Variants in ARSI observed in about 807,000 individuals in gnomAD.
The protein encoded by ARSI is arylsulfatase family member I.
A neutral mutation model predicts 42.1 loss-of-function variants in ARSI; 37 were observed. The ratio of observed to expected loss-of-function variants is 0.88; its 90% CI spans 0.68 to 1.16. ARSI has a LOEUF of 1.16. Among genes scored for constraint, ARSI ranks in the 50% most tolerant of loss-of-function variants. The probability of loss-of-function intolerance (pLI) is 0.00; values close to 1 mark genes in which losing one functional copy is unlikely to be tolerated. For missense variants in ARSI, 725 were observed against 790.1 expected (o/e 0.92, Z 0.99); for synonymous variants, 305 against 320.3 (o/e 0.95, Z 0.51).
rs760446128 is a variant in ARSI at position 150,297,689 on chromosome 5, T to C, written c.1235A>G (p.Asn412Ser). The change falls in exon 2 of 2, where the codon AAC (asparagine) becomes AGC (serine). Residue 412 changes from asparagine to serine, a missense_variant. Coordinates refer to ENST00000328668, the MANE Select transcript of ARSI (RefSeq NM_001012301.4). The surrounding 1 kb of genome is among the most constrained non-coding windows in gnomAD (Gnocchi z 7.0). ...GSLEGGFGIW[N>S]TAVQAAIRVG... is the part of the protein sequence containing the mutation. ...GCGGATGGCAGCCTGCACGGCGGTG[T>C]TCCAGATGCCAAAGCCGCCCTCCAG... 6.2e-7 allele frequency: 1 copy of C among 1,613,386 alleles called. No homozygotes were observed. The highest frequency in any genetic ancestry group is 8.5e-7 in the Non-Finnish European group (1 of 1,180,020).
Position 150,298,382 on chromosome 5 carries a change from T to A in ARSI, c.542A>T (p.Asp181Val). ...GCACACGCCTGGGCCATCACAGTTGTCATAGGTGTAATAGTCCACATTGCC... is the reference window on the plus strand; with the variant it reads ...GCACACGCCTGGGCCATCACAGTTGACATAGGTGTAATAGTCCACATTGCC... ...LTGNVDYYTY[D>V]NCDGPGVCGF... Residue 181 changes from aspartate to valine, a missense_variant, in exon 2 of 2, where the codon GAC becomes GTC. Transcript: ENST00000328668. 1 of 1,614,184 alleles carries A rather than the reference T, an allele frequency of 6.2e-7. No homozygotes were observed. The highest frequency in any genetic ancestry group is 8.5e-7 in the Non-Finnish European group (1 of 1,180,044).
chr5:150,298,782 A>G (rs1757870300), intron 1 of ARSI, among the ~76,000 whole-genome samples, 170 bp from the exon 2 acceptor site: 1 of 152,188 alleles, frequency 6.6e-6, no homozygotes, highest in South Asian at 2.1e-4. Context: ...CCTCAAATGC[A>G]TTATCTCATC....
chr5:150,297,700 A>G lies in ARSI; in HGVS notation c.1224T>C (p.Phe408=). 2 of 1,613,422 alleles carry G rather than the reference A, an allele frequency of 1.2e-6. No individual in the cohort carries two copies. Among genetic ancestry groups the G allele is most frequent in the East Asian group, 2.2e-5 (1 of 44,872 alleles). The change falls in exon 2 of 2, where the codon TTT becomes TTC. Residue 408 remains phenylalanine, a synonymous_variant. Coordinates refer to ENST00000328668, the MANE Select transcript of ARSI (RefSeq NM_001012301.4). This position sits in a 1 kb window ranked among gnomAD's most constrained non-coding sequence, Gnocchi z 7.0. ...HAQHGSLEGG[F]GIWNTAVQAA... is the part of the protein sequence containing the mutation. ...CCTGCACGGCGGTGTTCCAGATGCC[A>G]AAGCCGCCCTCCAGGGAGCCATGCT... is the stretch of plus-strand genomic sequence containing the variant.
chr5:150,300,743 T>A (rs1305424805), intron 1 of ARSI, among the ~76,000 whole-genome samples: 1 of 152,226 alleles, frequency 6.6e-6, no homozygotes, highest in African/African-American at 2.4e-5. Flanking sequence ...ATCAGGGGAC[T>A]GGAGCACTGC....
At chr5:150,299,595 G>A (rs1051185376) in intron 1 of ARSI, among the ~76,000 whole-genome samples, 13 of 151,912 alleles carry the variant, frequency 8.6e-5, no homozygotes, top group African/African-American at 2.7e-4. Flanking sequence ...TCTTTTTAAG[G>A]GAAGGGGAAG....
Position 150,300,874 on chromosome 5 carries a change from T to C in ARSI, c.311+1189A>G, listed in dbSNP as rs536196273. Among the ~76,000 whole-genome samples the C allele has an allele frequency of 2.6e-5, 4 of 152,314 alleles. No individual in the cohort carries two copies. The East Asian group carries it at 7.7e-4, about 29-fold the overall frequency. ...TCCACCCTCTTCTGCAGGTCAACATTGGTCTTCACCACTACACCACTAACC... is the reference window on the plus strand; with the variant it reads ...TCCACCCTCTTCTGCAGGTCAACATCGGTCTTCACCACTACACCACTAACC... On this transcript the variant is annotated intron_variant, in intron 1 of 1. Transcript: ENST00000328668.
chr5:150,298,219 G>T lies in ARSI; in HGVS notation c.705C>A (p.Phe235Leu), dbSNP rs146812943. Reference sequence around the variant, plus strand: ...ACTGCAGGGGTGTGTGTACTGCCTGGAAGGCCACATAGAGGAAGAGGGGAC... The same window carrying T: ...ACTGCAGGGGTGTGTGTACTGCCTGTAAGGCCACATAGAGGAAGAGGGGAC... ...PQRPLFLYVAFQAVHTPLQSP... is the reference protein window; with the variant it reads ...PQRPLFLYVALQAVHTPLQSP... The change falls in exon 2 of 2, where the codon TTC (phenylalanine) becomes TTA (leucine). Residue 235 changes from phenylalanine to leucine, a missense_variant. Transcript: ENST00000328668. 4 of 1,614,054 alleles carry T rather than the reference G, an allele frequency of 2.5e-6. No homozygotes were observed. The African/African-American group carries it at 5.3e-5, about 22-fold the overall frequency.
In ARSI at chr5:150,297,072, C is replaced by A; in HGVS notation, c.*142G>T. On this transcript the variant is annotated 3_prime_UTR_variant, in exon 2 of 2. Transcript: ENST00000328668. The surrounding 1 kb of genome is among the most constrained non-coding windows in gnomAD (Gnocchi z 7.0). ...TTATTCCCACCCACTCCTATCCAGGCTCCCTACCCTGTTCAACCAAGGGAC... is the reference window on the plus strand; with the variant it reads ...TTATTCCCACCCACTCCTATCCAGGATCCCTACCCTGTTCAACCAAGGGAC... 1.2e-6 allele frequency: 1 copy of A among 868,806 alleles called. No individual in the cohort carries two copies. Among genetic ancestry groups the A allele is most frequent in the Non-Finnish European group, 1.7e-6 (1 of 579,344 alleles). 53.8% of individuals were successfully genotyped at this position (868,806 alleles called of 1,614,324 possible).
At position 150,297,395 on chromosome 5, in the gene ARSI, C is replaced by CG; in HGVS notation, c.1528dup (p.Arg510ProfsTer5). 6.2e-7 allele frequency: 1 copy of CG among 1,609,008 alleles called. No homozygotes were observed. Among genetic ancestry groups the CG allele is most frequent in the South Asian group, 1.1e-5 (1 of 90,270 alleles). On this transcript the variant is annotated frameshift_variant, in exon 2 of 2. Transcript: ENST00000328668. LOFTEE classifies it high-confidence loss of function. The surrounding 1 kb of genome is among the most constrained non-coding windows in gnomAD (Gnocchi z 7.0). ...ACCCCCATTAAAGTCAGGATGAGCC[C>CG]GGGGGTTCTCAGCTGGGTAGCGTAC...
At position 150,297,611 on chromosome 5, in the gene ARSI, G is replaced by A; in HGVS notation, c.1313C>T (p.Pro438Leu). The change falls in exon 2 of 2, where the codon CCA (proline) becomes CTA (leucine). Residue 438 changes from proline to leucine, a missense_variant. Physicochemically the swap from Pro to Leu is moderately conservative, Grantham distance 98 (BLOSUM62 -3). Transcript: ENST00000328668. This position sits in a 1 kb window ranked among gnomAD's most constrained non-coding sequence, Gnocchi z 7.0. ...CGGGAAGGTGGCCAGTGTCTGCGGT[G>A]GGATCCAATCGCCATAGCCGGGGTC... ...TGDPGYGDWI[P>L]PQTLATFPGS... The A allele has an allele frequency of 6.2e-7, 1 of 1,611,198 alleles. No homozygotes were observed. Among genetic ancestry groups the A allele is most frequent in the African/African-American group, 1.3e-5 (1 of 75,046 alleles).
chr5:150,299,110 C>T (rs915206927), intron 1 of ARSI, among the ~76,000 whole-genome samples: 3 of 152,186 alleles, frequency 2.0e-5, no homozygotes, highest in Non-Finnish European at 2.9e-5. Flanking sequence ...GTGACTCACA[C>T]GGCTAGTAGT....
In ARSI at chr5:150,297,554, CT is replaced by C. The variant is rs1229770707; in HGVS notation, c.1369del (p.Ser457ValfsTer108). The part of the protein sequence containing the change: ...GSWWNLERMA[S>X]VRQAVWLFNI... ...GAAGAGCCACACGGCCTGGCGGACA[CT>C]GGCCATTCGTTCCAGGTTCCACCAG... On this transcript the variant is annotated frameshift_variant, in exon 2 of 2. Coordinates refer to ENST00000328668, the MANE Select transcript of ARSI (RefSeq NM_001012301.4). LOFTEE classifies it high-confidence loss of function. This position sits in a 1 kb window ranked among gnomAD's most constrained non-coding sequence, Gnocchi z 7.0. The C allele has an allele frequency of 6.2e-7, 1 of 1,612,326 alleles. No homozygotes were observed. Among genetic ancestry groups the C allele is most frequent in the Non-Finnish European group, 8.5e-7 (1 of 1,179,624 alleles).
chr5:150,299,831 A>G (rs1757890470), intron 1 of ARSI, among the ~76,000 whole-genome samples: 1 of 152,154 alleles, frequency 6.6e-6, no homozygotes, highest in African/African-American at 2.4e-5. Context: ...CCTGCCTGTG[A>G]GCTCATATGA....
At position 150,298,626 on chromosome 5, in the gene ARSI, G is replaced by A; in HGVS notation, c.312-14C>T. 5 of 1,589,878 alleles carry A rather than the reference G, an allele frequency of 3.1e-6. No homozygotes were observed. The highest frequency in any genetic ancestry group is 4.3e-6 in the Non-Finnish European group (5 of 1,166,558). On this transcript the variant is annotated splice_polypyrimidine_tract_variant and intron_variant, in intron 1 of 1. Transcript: ENST00000328668. Reference sequence around the variant, plus strand: ...TGGATCTGGTACCTGGTGGGGAGGAGGGGAAGGCACAGAAGGCACAGGTAA... The same window carrying A: ...TGGATCTGGTACCTGGTGGGGAGGAAGGGAAGGCACAGAAGGCACAGGTAA...
At chr5:150,299,237 C>G (rs945160472) in intron 1 of ARSI, among the ~76,000 whole-genome samples, 1 of 152,184 alleles carries the variant, frequency 6.6e-6, no homozygotes, top group Non-Finnish European at 1.5e-5. Context: ...CAAACTCTTA[C>G]TCACTCTTCA....
chr5:150,298,252 G>A lies in ARSI; in HGVS notation c.672C>T (p.Ser224=), dbSNP rs756544513. The A allele has an allele frequency of 8.7e-6, 14 of 1,613,946 alleles. 1 individual carries two copies. In the South Asian group the frequency reaches 1.3e-4, roughly 15 times the overall value. The change falls in exon 2 of 2, where the codon AGC becomes AGT. Residue 224 remains serine (S), a synonymous_variant. Transcript: ENST00000328668. Reference sequence around the variant, plus strand: ...CATAGAGGAAGAGGGGACGCTGAGGGCTGTGGCTGGCCAGGATATGGCTGG... The same window carrying A: ...CATAGAGGAAGAGGGGACGCTGAGGACTGTGGCTGGCCAGGATATGGCTGG... ...QRASHILASH[S]PQRPLFLYVA... is the part of the protein sequence containing the mutation.
In ARSI at chr5:150,298,410, T is replaced by C. The variant is rs1757861051; in HGVS notation, c.514A>G (p.Thr172Ala). 1 of 1,614,120 alleles carries C rather than the reference T, an allele frequency of 6.2e-7. No individual in the cohort carries two copies. The highest frequency in any genetic ancestry group is 1.1e-5 in the South Asian group (1 of 91,092). ...TAGGTGTAATAGTCCACATTGCCCG[T>C]GAGCGAGCCCAGGAAGGTGTCGAAG... ...RGFDTFLGSL[T>A]GNVDYYTYDN... Residue 172 changes from threonine (T) to alanine (A), a missense_variant, in exon 2 of 2, where the codon ACG (threonine) becomes GCG (alanine). Physicochemically the swap from Thr to Ala is moderately conservative, Grantham distance 58. Transcript: ENST00000328668.
Position 150,298,548 on chromosome 5 carries a change from G to T in ARSI, c.376C>A (p.Leu126Met). 1 of 1,614,094 alleles carries T rather than the reference G, an allele frequency of 6.2e-7. No individual in the cohort carries two copies. The highest frequency in any genetic ancestry group is 8.5e-7 in the Non-Finnish European group (1 of 1,179,950). The change falls in exon 2 of 2, where the codon CTG becomes ATG. Residue 126 changes from leucine to methionine, a missense_variant. Physicochemically the swap from Leu to Met is conservative, Grantham distance 15. Coordinates refer to ENST00000328668, the MANE Select transcript of ARSI (RefSeq NM_001012301.4). Reference protein sequence around the residue: ...IRPQQPNCLPLDQVTLPQKLQ... With the variant: ...IRPQQPNCLPMDQVTLPQKLQ... ...TTCTGTGGCAGTGTCACCTGGTCCA[G>T]GGGCAGGCAGTTGGGCTGCTGTGGG...
At position 150,298,176 on chromosome 5, in the gene ARSI, A is replaced by G; in HGVS notation, c.748T>C (p.Tyr250His). 6.2e-7 allele frequency: 1 copy of G among 1,614,052 alleles called. No individual in the cohort carries two copies. The highest frequency in any genetic ancestry group is 8.5e-7 in the Non-Finnish European group (1 of 1,180,034). The change falls in exon 2 of 2, where the codon TAC (tyrosine) becomes CAC (histidine). Residue 250 changes from tyrosine to histidine, a missense_variant. By Grantham distance (83) the Tyr-to-His change is moderately conservative. Coordinates refer to ENST00000328668, the MANE Select transcript of ARSI (RefSeq NM_001012301.4). ...TPLQSPREYL[Y>H]RYRTMGNVAR... Reference sequence around the variant, plus strand: ...ACATTGCCCATGGTGCGGTAGCGGTACAGGTACTCACGAGGGGACTGCAGG... The same window carrying G: ...ACATTGCCCATGGTGCGGTAGCGGTGCAGGTACTCACGAGGGGACTGCAGG...
Sources: gnomAD v4.1 joint callset for allele counts (sites outside exome capture counted in the v4.1 genomes callset) on GRCh38, gnomAD v4.1.1 for gene constraint, Gnocchi (gnomAD v3.1) non-coding constraint, MANE v1.5 for transcripts, NCBI Gene and HGNC (gene_info 2026-07-23, HGNC 2026-07-21) for gene names.